DCPS: variants seen among roughly 807,000 people sequenced by gnomAD.
DCPS encodes the protein decapping enzyme, scavenger, also known as m7GpppX diphosphatase.
Under a neutral mutation model 34.7 loss-of-function variants are expected in DCPS, and 27 were observed. The ratio of observed to expected loss-of-function variants is 0.78; its 90% CI spans 0.57 to 1.07. DCPS has a LOEUF of 1.07. Ranked by LOEUF, DCPS falls within the 50% of genes least tolerant of loss-of-function variation. The pLI, the probability that DCPS is intolerant of heterozygous loss-of-function variation, is 0.00. For missense variants in DCPS, 464 were observed against 436.9 expected, an observed-to-expected ratio of 1.06 and a Z score of -0.55; for synonymous variants, 185 against 185.7, an observed-to-expected ratio of 1.00 and a Z score of 0.03.
Position 126,304,201 on chromosome 11 carries a change from C to T in DCPS, c.121C>T (p.Arg41Cys). ...TGGAAATGGTACCTGTGCTCCTGTC[C>T]GCTTACCGTTCTCCGGCTTCAGACT... is the stretch of plus-strand genomic sequence containing the variant. ...GVGNGTCAPV[R>C]LPFSGFRLQK... Residue 41 changes from arginine to cysteine, a missense_variant, in exon 1 of 6, where the codon CGC becomes TGC. Physicochemically the swap from Arg to Cys is radical, Grantham distance 180 (BLOSUM62 -3). Transcript: ENST00000263579. 3 of 1,614,224 alleles carry T rather than the reference C, an allele frequency of 1.9e-6. No individual in the cohort carries two copies. The highest frequency in any genetic ancestry group is 1.7e-6 in the Non-Finnish European group (2 of 1,180,036).
chr11:126,341,022 A>G (rs1361771279), intron 4 of DCPS: 4 of 152,074 alleles, frequency 2.6e-5, no homozygotes, highest in Non-Finnish European at 5.9e-5. Context: ...CAAAACAACT[A>G]TTGTTGCTAT....
intron 2 of DCPS, among the ~76,000 whole-genome samples, chr11:126,311,040 G>A (rs1951615325): frequency 6.6e-6 from 1 of 152,166 alleles, no homozygotes; most frequent in African/African-American, 2.4e-5. Flanking sequence ...CAAGTCTGGA[G>A]GTTTTGCAGT....
rs993771902 is a variant in DCPS at position 126,345,825 on chromosome 11, C to A, written c.*212C>A. ...GGGTGGGTAGAACCTGTGGGAAGGC[C>A]TTGAGAATGGTGGAAAGTCTCCAGG... On this transcript the variant is annotated 3_prime_UTR_variant, in exon 6 of 6. Transcript: ENST00000263579. This position sits in a 1 kb window ranked among gnomAD's most constrained non-coding sequence, Gnocchi z 7.4. The A allele has an allele frequency of 2.8e-6, 2 of 703,922 alleles. No homozygotes were observed. The highest frequency in any genetic ancestry group is 4.6e-6 in the Non-Finnish European group (2 of 437,254). The allele number at this position is 703,922 out of a possible 1,614,324, so 43.6% of individuals were successfully genotyped here.
In DCPS at chr11:126,332,419, A is replaced by G. The variant is rs1375188762; in HGVS notation, c.522+869A>G. Among the ~76,000 whole-genome samples, 1 of 152,136 alleles carries G rather than the reference A, an allele frequency of 6.6e-6. No individual in the cohort carries two copies. Among genetic ancestry groups the G allele is most frequent in the African/African-American group, 2.4e-5 (1 of 41,430 alleles). On this transcript the variant is annotated intron_variant, in intron 3 of 5. Coordinates refer to ENST00000263579, the MANE Select transcript of DCPS (RefSeq NM_014026.6). This position sits in a 1 kb window ranked among gnomAD's most constrained non-coding sequence, Gnocchi z 5.4. ...TGATGAGTCAGTTTCTTGCCCACTC[A>G]CTGACTCTGACACTGTGCCTTGTCT...
intron 2 of DCPS, among the ~76,000 whole-genome samples, chr11:126,318,187 T>C (rs3758824): frequency 6.6e-6 from 1 of 152,174 alleles, no homozygotes; most frequent in Admixed American, 6.5e-5. Flanking sequence ...AGCAGCTCTG[T>C]GCTTTCCTAG....
intron 2 of DCPS, among the ~76,000 whole-genome samples, chr11:126,316,892 G>A (rs1442850926): frequency 1.3e-5 from 2 of 150,260 alleles, no homozygotes; most frequent in East Asian, 3.9e-4. Context: ...CTGACCTCAG[G>A]TGATCTGCCC....
At chr11:126,316,993 C>T (rs1476572948) in intron 2 of DCPS, among the ~76,000 whole-genome samples, 1 of 129,526 alleles carries the variant, frequency 7.7e-6, no homozygotes. Flanking sequence ...GAGTCTCGCT[C>T]TGTCACCCAG....
In DCPS at chr11:126,332,951, C is replaced by T. The variant is rs1193061576; in HGVS notation, c.522+1401C>T. Among the ~76,000 whole-genome samples, 1 of 152,108 alleles carries T rather than the reference C, an allele frequency of 6.6e-6. No individual in the cohort carries two copies. The highest frequency in any genetic ancestry group is 1.5e-5 in the Non-Finnish European group (1 of 68,038). ...GACCTGAGATTCAAGTAAGGAAGCCCTGATGTGGTTGGTGTGAGTAGCTGG... is the reference window on the plus strand; with the variant it reads ...GACCTGAGATTCAAGTAAGGAAGCCTTGATGTGGTTGGTGTGAGTAGCTGG... On this transcript the variant is annotated intron_variant, in intron 3 of 5. Coordinates refer to ENST00000263579, the MANE Select transcript of DCPS (RefSeq NM_014026.6). This position sits in a 1 kb window ranked among gnomAD's most constrained non-coding sequence, Gnocchi z 5.4.
intron 2 of DCPS, among the ~76,000 whole-genome samples, chr11:126,321,513 GA>G (rs913882951): frequency 6.6e-6 from 1 of 152,134 alleles, no homozygotes; most frequent in African/African-American, 2.4e-5. Flanking sequence ...CCCAGCCCGA[GA>G]GAAAACCTAA....
chr11:126,326,865 G>A (rs1208239710), intron 2 of DCPS, among the ~76,000 whole-genome samples: 1 of 151,982 alleles, frequency 6.6e-6, no homozygotes, highest in Non-Finnish European at 1.5e-5. Context: ...GGAGCTTGCA[G>A]TGAGCCGAGA....
rs150060979 is a variant in DCPS, at chr11:126,323,614, C to T, written c.377-7791C>T. On this transcript the variant is annotated intron_variant, in intron 2 of 5. Transcript: ENST00000263579. This position sits in a 1 kb window ranked among gnomAD's most constrained non-coding sequence, Gnocchi z 4.4. ...GCAGTGGCACGATCACAGCTCACTGCAGCCTTGACCTTCCAGGCTCAAGCG... is the reference window on the plus strand; with the variant it reads ...GCAGTGGCACGATCACAGCTCACTGTAGCCTTGACCTTCCAGGCTCAAGCG... 0.033 allele frequency among the ~76,000 whole-genome samples: 4,992 copies of T among 152,010 alleles called. 255 individuals carry two copies. Among genetic ancestry groups the T allele is most frequent in the African/African-American group, 0.11 (4,436 of 41,406 alleles).
chr11:126,331,579 G>A lies in DCPS; in HGVS notation c.522+29G>A. Reference sequence around the variant, plus strand: ...ACTGGCTGCATGTCTCAGACGCAGAGCACTGCTCCCGTGGCTGGTGCCTCC... The same window carrying A: ...ACTGGCTGCATGTCTCAGACGCAGAACACTGCTCCCGTGGCTGGTGCCTCC... On this transcript the variant is annotated intron_variant, in intron 3 of 5. Transcript: ENST00000263579. The surrounding 1 kb of genome is among the most constrained non-coding windows in gnomAD (Gnocchi z 7.2). 1.2e-6 allele frequency: 2 copies of A among 1,610,780 alleles called. No homozygotes were observed. Among genetic ancestry groups the A allele is most frequent in the Non-Finnish European group, 1.7e-6 (2 of 1,178,126 alleles).
intron 2 of DCPS, among the ~76,000 whole-genome samples, chr11:126,311,719 T>C (rs1347961644): frequency 6.6e-6 from 1 of 152,180 alleles, no homozygotes; most frequent in Non-Finnish European, 1.5e-5. Flanking sequence ...CAGGGGTGTG[T>C]ACTACAGATG....
Position 126,325,702 on chromosome 11 carries a change from A to G in DCPS, c.377-5703A>G, listed in dbSNP as rs1409979936. ...CAATTTGAATTAAAAAGACAAACACAGTGTTAAAAAGCATGACAGGGGAAC... is the reference window on the plus strand; with the variant it reads ...CAATTTGAATTAAAAAGACAAACACGGTGTTAAAAAGCATGACAGGGGAAC... On this transcript the variant is annotated intron_variant, in intron 2 of 5. Transcript: ENST00000263579. This position sits in a 1 kb window ranked among gnomAD's most constrained non-coding sequence, Gnocchi z 4.3. Among the ~76,000 whole-genome samples, 1 of 152,208 alleles carries G rather than the reference A, an allele frequency of 6.6e-6. No individual in the cohort carries two copies. The highest frequency in any genetic ancestry group is 1.9e-4 in the East Asian group (1 of 5,204).
rs200965805 is a variant in DCPS, at chr11:126,331,340, G to A, written c.377-65G>A. 27 of 1,585,290 alleles carry A rather than the reference G, an allele frequency of 1.7e-5. No individual in the cohort carries two copies. The highest frequency in any genetic ancestry group is 1.7e-4 in the Middle Eastern group (1 of 5,902). ...CCAGGGTGGGAGTTCTCTCCTCACC[G>A]TGGTGCCTGTGGCATAGAGAGTGGG... On this transcript the variant is annotated intron_variant, in intron 2 of 5. Coordinates refer to ENST00000263579, the MANE Select transcript of DCPS (RefSeq NM_014026.6). This position sits in a 1 kb window ranked among gnomAD's most constrained non-coding sequence, Gnocchi z 7.2.
chr11:126,316,516 C>T (rs927478026), intron 2 of DCPS, among the ~76,000 whole-genome samples: 1 of 152,042 alleles, frequency 6.6e-6, no homozygotes, highest in Non-Finnish European at 1.5e-5. Flanking sequence ...CCAATCTGGA[C>T]AGGTGATTCT....
Position 126,306,684 on chromosome 11 carries a change from T to C in DCPS, c.316T>C (p.Leu106=), listed in dbSNP as rs188890331. Residue 106 remains leucine (L), a synonymous_variant, in exon 2 of 6, where the codon TTG becomes CTG. Coordinates refer to ENST00000263579, the MANE Select transcript of DCPS (RefSeq NM_014026.6). The stretch of plus-strand genomic sequence containing the variant: ...CCTGACGGGCAGCCCTGAGCTCCAG[T>C]TGCAGTTCTCCAATGATATCTACAG... ...QLLTGSPELQ[L]QFSNDIYSTY... 1 of 1,613,684 alleles carries C rather than the reference T, an allele frequency of 6.2e-7. No individual in the cohort carries two copies. Among genetic ancestry groups the C allele is most frequent in the Non-Finnish European group, 8.5e-7 (1 of 1,179,668 alleles).
intron 2 of DCPS, among the ~76,000 whole-genome samples, chr11:126,310,117 C>T (rs1433982742): frequency 1.3e-5 from 2 of 152,222 alleles, no homozygotes; most frequent in African/African-American, 4.8e-5. Context: ...TTTCAGACTA[C>T]AGAATCACTG....
At chr11:126,314,943 G>A (rs779089259) in intron 2 of DCPS, among the ~76,000 whole-genome samples, 2 of 151,920 alleles carry the variant, frequency 1.3e-5, no homozygotes, top group African/African-American at 2.4e-5. Flanking sequence ...ACTTATTCAC[G>A]TAAGTTCCTA....
Sources: gnomAD v4.1 joint callset for allele counts (sites outside exome capture counted in the v4.1 genomes callset) on GRCh38, gnomAD v4.1.1 for gene constraint, Gnocchi (gnomAD v3.1) non-coding constraint, MANE v1.5 for transcripts, NCBI Gene and HGNC (gene_info 2026-07-23, HGNC 2026-07-21) for gene names.